The following CPEB3 variants were observed in gnomAD, a reference collection of about 807,000 sequenced individuals.
The protein encoded by CPEB3 is cytoplasmic polyadenylation element binding protein 3.
In CPEB3, 20 loss-of-function variants were observed where a neutral mutation model predicts 67.2. The observed-to-expected ratio is 0.30, with a 90% CI of 0.21 to 0.43. CPEB3 has a LOEUF of 0.43. Ranked by LOEUF, CPEB3 falls within the 20% of genes least tolerant of loss-of-function variation. The pLI, the probability that CPEB3 is intolerant of heterozygous loss-of-function variation, is 1.00. For missense variants in CPEB3, 746 were observed against 968.6 expected (o/e 0.77, Z 3.05); for synonymous variants, 376 against 393.1 (o/e 0.96, Z 0.51).
At chr10:92,192,367 G>T in intron 3 of CPEB3, 110 bp downstream of exon 3, 1 of 1,099,484 alleles carries the variant, frequency 9.1e-7, no homozygotes, top group Non-Finnish European at 1.3e-6. Flanking sequence ...CTTTACAGAA[G>T]CAAAACAAAA....
chr10:92,047,859 TATC>T lies in CPEB3; in HGVS notation c.*4350_*4352del, dbSNP rs747979035. On this transcript the variant is annotated 3_prime_UTR_variant, in exon 10 of 10. Coordinates refer to ENST00000265997, the MANE Select transcript of CPEB3 (RefSeq NM_014912.5). Reference sequence around the variant, plus strand: ...AGGCCATCAACCACTAGTAGAAACATATCATCTATCTGGATCAAGTCATTGGCT... The same window carrying T: ...AGGCCATCAACCACTAGTAGAAACATATCTATCTGGATCAAGTCATTGGCT... The T allele has an allele frequency of 2.6e-5, 4 of 152,242 alleles. No homozygotes were observed. Among genetic ancestry groups the T allele is most frequent in the Non-Finnish European group, 4.4e-5 (3 of 68,048 alleles). The allele number at this position is 152,242 out of a possible 1,614,324, so 9.4% of individuals were successfully genotyped here. A position where few individuals can be genotyped will look rare whatever the true frequency, so the allele number is the denominator to read the frequency against.
chr10:92,131,820 T>G (rs1422546932), intron 6 of CPEB3, among the ~76,000 whole-genome samples: 2 of 152,140 alleles, frequency 1.3e-5, no homozygotes, highest in East Asian at 1.9e-4. Flanking sequence ...TATAATTCCT[T>G]AAAGATGTAA....
At position 92,069,795 on chromosome 10, in the gene CPEB3, C is replaced by T. The variant is rs540006745; in HGVS notation, c.1869+11525G>A. Reference sequence around the variant, plus strand: ...CCAACATGAAGCTAAAATAGAGTCACGGGAACACTTTGTCAATGGTATACT... The same window carrying T: ...CCAACATGAAGCTAAAATAGAGTCATGGGAACACTTTGTCAATGGTATACT... On this transcript the variant is annotated intron_variant, in intron 9 of 9. Coordinates refer to ENST00000265997, the MANE Select transcript of CPEB3 (RefSeq NM_014912.5). 1.1e-3 allele frequency among the ~76,000 whole-genome samples: 161 copies of T among 152,248 alleles called. 1 individual carries two copies. Among genetic ancestry groups the T allele is most frequent in the African/African-American group, 3.6e-3 (151 of 41,536 alleles).
intron 1 of CPEB3, among the ~76,000 whole-genome samples, chr10:92,250,044 T>C (rs1590531184): frequency 6.8e-6 from 1 of 146,384 alleles, no homozygotes; most frequent in Admixed American, 6.8e-5. Flanking sequence ...ATATATGTTA[T>C]ATAGCTATAC....
At chr10:92,079,530 T>C (rs1843059592) in intron 9 of CPEB3, among the ~76,000 whole-genome samples, 1 of 152,222 alleles carries the variant, frequency 6.6e-6, no homozygotes, top group Non-Finnish European at 1.5e-5. Flanking sequence ...TCCATGAATT[T>C]AAAGAATGTT....
intron 4 of CPEB3, among the ~76,000 whole-genome samples, chr10:92,156,311 G>A (rs909478218): frequency 1.3e-5 from 2 of 152,190 alleles, no homozygotes; most frequent in African/African-American, 4.8e-5. Flanking sequence ...TTGGTCAGGG[G>A]AAGATGAAGT....
intron 6 of CPEB3, among the ~76,000 whole-genome samples, chr10:92,132,444 G>T (rs1468688742): frequency 6.6e-6 from 1 of 152,104 alleles, no homozygotes; most frequent in Non-Finnish European, 1.5e-5. Context: ...AACAACATGT[G>T]TAGTATTTTC....
chr10:92,197,836 C>T (rs2134216720), intron 2 of CPEB3, among the ~76,000 whole-genome samples: 1 of 152,298 alleles, frequency 6.6e-6, no homozygotes, highest in East Asian at 1.9e-4. Context: ...TCGCTGGGCG[C>T]AGTGGCTCAC....
chr10:92,098,345 G>C (rs1843992909), intron 7 of CPEB3, among the ~76,000 whole-genome samples: 3 of 151,774 alleles, frequency 2.0e-5, no homozygotes, highest in African/African-American at 4.8e-5. Flanking sequence ...TTTCGCTCTT[G>C]TTGCCCAGGC....
intron 2 of CPEB3, among the ~76,000 whole-genome samples, chr10:92,212,996 G>A (rs955462608): frequency 6.6e-6 from 1 of 152,118 alleles, no homozygotes; most frequent in Admixed American, 6.5e-5. Context: ...TATGTAGCTT[G>A]CAGTCTATTT....
chr10:92,191,224 A>C (rs955849362), intron 3 of CPEB3, among the ~76,000 whole-genome samples: 2 of 151,964 alleles, frequency 1.3e-5, no homozygotes, highest in African/African-American at 4.8e-5. Context: ...CAACATGATG[A>C]AATCCCATCT....
At chr10:92,135,472 C>T (rs965907634) in intron 6 of CPEB3, among the ~76,000 whole-genome samples, 1 of 152,136 alleles carries the variant, frequency 6.6e-6, no homozygotes, top group African/African-American at 2.4e-5. Context: ...TACCATCTCA[C>T]GCCAGTTAGA....
chr10:92,047,275 A>AAG lies in CPEB3; in HGVS notation c.*4936_*4937insCT, dbSNP rs397718186. The AAG allele has an allele frequency of 1.1e-4, 16 of 152,022 alleles. No individual in the cohort carries two copies. The highest frequency in any genetic ancestry group is 2.2e-4 in the Non-Finnish European group (15 of 67,998). 9.4% of individuals were successfully genotyped at this position (152,022 alleles called of 1,614,324 possible). A position where few individuals can be genotyped will look rare whatever the true frequency, so the allele number is the denominator to read the frequency against. ...TGGTTATTATAAAAGAAAAAAAAAA[A>AAG]CAAATGTTAGCTGACATACCATACA... On this transcript the variant is annotated 3_prime_UTR_variant, in exon 10 of 10. Coordinates refer to ENST00000265997, the MANE Select transcript of CPEB3 (RefSeq NM_014912.5).
chr10:92,250,977 C>T (rs7918096), intron 1 of CPEB3, among the ~76,000 whole-genome samples: 2,187 of 151,522 alleles, frequency 0.014, 53 homozygotes, highest in African/African-American at 0.05. Flanking sequence ...GCAATCCGCC[C>T]ACCTCAGCCT....
intron 8 of CPEB3, among the ~76,000 whole-genome samples, chr10:92,090,586 T>C (rs1843573272): frequency 6.6e-6 from 1 of 152,216 alleles, no homozygotes; most frequent in Non-Finnish European, 1.5e-5. Context: ...TTGCAGTTAG[T>C]TGCAAAAGGA....
intron 9 of CPEB3, among the ~76,000 whole-genome samples, chr10:92,076,587 CTG>C (rs1237989142): frequency 6.6e-6 from 1 of 151,800 alleles, no homozygotes; most frequent in Non-Finnish European, 1.5e-5. Flanking sequence ...TAAAAAAACT[CTG>C]TGTGTGTAGA....
At chr10:92,165,740 T>G (rs1254234467) in intron 4 of CPEB3, among the ~76,000 whole-genome samples, 1 of 152,250 alleles carries the variant, frequency 6.6e-6, no homozygotes, top group Admixed American at 6.5e-5. Context: ...TCAAGTAGAC[T>G]CTACCTTAAG....
At chr10:92,180,942 A>C in intron 4 of CPEB3, 21 bp downstream of exon 4, 4 of 1,218,988 alleles carry the variant, frequency 3.3e-6, no homozygotes, top group Non-Finnish European at 4.9e-6. Context: ...ATTTAATAGA[A>C]TATTTCATAT....
intron 6 of CPEB3, chr10:92,119,138 T>C: frequency 6.3e-7 from 1 of 1,585,090 alleles, no homozygotes; most frequent in Non-Finnish European, 8.7e-7. Flanking sequence ...TACTGTGTTG[T>C]CCTCTGTAGG....
Sources: gnomAD v4.1 joint callset for allele counts (sites outside exome capture counted in the v4.1 genomes callset) on GRCh38, gnomAD v4.1.1 for gene constraint, MANE v1.5 for transcripts, NCBI Gene and HGNC (gene_info 2026-07-23, HGNC 2026-07-21) for gene names.